ADGRL2: variants seen among roughly 807,000 people sequenced by gnomAD.
ADGRL2 encodes adhesion G protein-coupled receptor L2, also known as calcium-independent alpha-latrotoxin receptor 2.
In ADGRL2, 44 loss-of-function variants were observed where a neutral mutation model predicts 157.4. That is an observed-to-expected ratio of 0.28 (90% confidence interval 0.22 to 0.36). The LOEUF is 0.36. Ranked by LOEUF, ADGRL2 falls within the 10% of genes least tolerant of loss-of-function variation. The pLI is 1.00. For missense variants in ADGRL2, 1,510 were observed against 1,768.9 expected, an observed-to-expected ratio of 0.85 and a Z score of 2.63; for synonymous variants, 585 against 624.7, an observed-to-expected ratio of 0.94 and a Z score of 0.95.
chr1:81,550,676 T>G (rs966848515), intron 2 of ADGRL2, among the ~76,000 whole-genome samples: 3 of 152,162 alleles, frequency 2.0e-5, no homozygotes, highest in Non-Finnish European at 4.4e-5. Context: ...ATCAACAATA[T>G]GCCATGCTGT....
intron 3 of ADGRL2, among the ~76,000 whole-genome samples, chr1:81,691,648 G>C (rs560478943): frequency 6.6e-6 from 1 of 151,680 alleles, no homozygotes; most frequent in Non-Finnish European, 1.5e-5. Flanking sequence ...ACAGGCGTGT[G>C]CCACTACACT....
chr1:81,913,016 T>C (rs2094769211), intron 3 of ADGRL2, among the ~76,000 whole-genome samples: 1 of 152,166 alleles, frequency 6.6e-6, no homozygotes, highest in South Asian at 2.1e-4. Context: ...GAACTTTAGG[T>C]ATAGTTTAAT....
At chr1:81,730,881 C>G (rs903015846) in intron 1 of ADGRL2, among the ~76,000 whole-genome samples, 2 of 152,050 alleles carry the variant, frequency 1.3e-5, no homozygotes, top group Non-Finnish European at 2.9e-5. Context: ...ATTGATCAAC[C>G]TGATTATCTA....
intron 1 of ADGRL2, among the ~76,000 whole-genome samples, chr1:81,358,030 A>G (rs775106402): frequency 4.6e-5 from 7 of 152,256 alleles, no homozygotes; most frequent in African/African-American, 7.2e-5. Flanking sequence ...TCATTTTCTT[A>G]TAAGTCATTA....
At chr1:81,550,130 A>C (rs1041893821) in intron 2 of ADGRL2, among the ~76,000 whole-genome samples, 26 of 152,290 alleles carry the variant, frequency 1.7e-4, no homozygotes, top group African/African-American at 6.0e-4. Context: ...AAGGAGTATC[A>C]TAGGGTAGGA....
rs182323157 is a variant in ADGRL2 at position 81,405,746 on chromosome 1, C to A, written c.-301-39290C>A. ...TTTCATAAGGCCTCTTATTTTCCAA[C>A]AAGTTTAAAATCAGTTGAACAGTCT... On this transcript the variant is annotated intron_variant, in intron 1 of 24. Coordinates refer to the ADGRL2 transcript ENST00000370721. Among the ~76,000 whole-genome samples the A allele has an allele frequency of 2.8e-4, 42 of 151,652 alleles. 1 individual carries two copies. In the East Asian group the frequency reaches 4.6e-3, roughly 17 times the overall value.
At chr1:81,768,715 C>T (rs544493183) in intron 2 of ADGRL2, among the ~76,000 whole-genome samples, 2 of 152,108 alleles carry the variant, frequency 1.3e-5, no homozygotes, top group African/African-American at 2.4e-5. Flanking sequence ...TCAAGCAATC[C>T]TCCTGCCTTA....
At chr1:81,332,594 C>T (rs1042518576) in intron 1 of ADGRL2, among the ~76,000 whole-genome samples, 1 of 152,118 alleles carries the variant, frequency 6.6e-6, no homozygotes, top group African/African-American at 2.4e-5. Context: ...TTTGCCATTA[C>T]CTGAATGATT....
At chr1:81,590,714 C>T (rs1333266854) in intron 3 of ADGRL2, among the ~76,000 whole-genome samples, 1 of 152,026 alleles carries the variant, frequency 6.6e-6, no homozygotes, top group Non-Finnish European at 1.5e-5. Context: ...TTTTTGCATG[C>T]TCAGTTTTTT....
chr1:81,951,858 T>A, intron 8 of ADGRL2, 99 bp from the exon 9 acceptor site: 1 of 885,538 alleles, frequency 1.1e-6, no homozygotes, highest in Non-Finnish European at 1.7e-6. Context: ...AATTTAACAT[T>A]CGCAAATTTT....
chr1:81,850,027 CTGTT>C (rs750838052), intron 2 of ADGRL2, among the ~76,000 whole-genome samples: 1 of 151,742 alleles, frequency 6.6e-6, no homozygotes, highest in Non-Finnish European at 1.5e-5. Context: ...AGTGGACAGA[CTGTT>C]TGACTCGTCC....
chr1:81,331,513 A>G (rs1031607905), intron 1 of ADGRL2, among the ~76,000 whole-genome samples: 2 of 152,102 alleles, frequency 1.3e-5, no homozygotes, highest in Non-Finnish European at 2.9e-5. Context: ...CTGCTTTGGT[A>G]TTATATTTGT....
intron 1 of ADGRL2, among the ~76,000 whole-genome samples, chr1:81,836,056 A>C (rs1172997936): frequency 6.6e-6 from 1 of 152,088 alleles, no homozygotes; most frequent in African/African-American, 2.4e-5. Context: ...AAAAGTTATC[A>C]GGAAAATTTT....
At chr1:81,435,398 C>A (rs12029564) in intron 1 of ADGRL2, among the ~76,000 whole-genome samples, 1,913 of 152,334 alleles carry the variant, frequency 0.013, 28 homozygotes, top group East Asian at 0.041. Context: ...CACCTCCAAT[C>A]TCTCTGTGAG....
intron 1 of ADGRL2, among the ~76,000 whole-genome samples, chr1:81,319,598 A>G (rs1045730921): frequency 1.3e-5 from 2 of 152,346 alleles, no homozygotes; most frequent in Non-Finnish European, 2.9e-5. Flanking sequence ...TGTTTTCTGA[A>G]TGGAACTGGA....
At chr1:81,873,329 T>G (rs538834969) in intron 2 of ADGRL2, among the ~76,000 whole-genome samples, 126 of 152,244 alleles carry the variant, frequency 8.3e-4, no homozygotes, top group African/African-American at 2.9e-3. Context: ...TCTTTTTATT[T>G]TTTTGCTATG....
intron 23 of ADGRL2, chr1:81,989,736 G>A (rs781755094): frequency 7.3e-5 from 118 of 1,606,814 alleles, no homozygotes; most frequent in Non-Finnish European, 8.4e-5. Flanking sequence ...GCTGTCTATC[G>A]TGATGTTGGA....
intron 2 of ADGRL2, among the ~76,000 whole-genome samples, chr1:81,451,362 C>T (rs2077699414): frequency 6.6e-6 from 1 of 152,080 alleles, no homozygotes; most frequent in Non-Finnish European, 1.5e-5. Context: ...TTTCATTGAT[C>T]TCTTTTTGTC....
intron 1 of ADGRL2, among the ~76,000 whole-genome samples, chr1:81,336,516 TC>T (rs1449509123): frequency 6.6e-6 from 1 of 152,142 alleles, no homozygotes; most frequent in Non-Finnish European, 1.5e-5. Flanking sequence ...CTTGTAATAT[TC>T]TTGTGCTGAT....
Sources: allele counts gnomAD v4.1 joint callset (sites outside exome capture counted in the v4.1 genomes callset), GRCh38; gene constraint gnomAD v4.1.1; transcripts MANE v1.5; gene names NCBI Gene and HGNC (gene_info 2026-07-23, HGNC 2026-07-21).